Variants in MYH7B observed in about 807,000 individuals in gnomAD.
MYH7B encodes the protein myosin-7B.
MYH7B carries 205 observed loss-of-function variants against 234.5 expected under a neutral mutation model. The observed-to-expected ratio is 0.87, with a 90% confidence interval of 0.78 to 0.98. The LOEUF (loss-of-function observed/expected upper bound fraction) is 0.98, where lower values mean the gene tolerates loss of function less well. Ranked by LOEUF, MYH7B falls within the 50% of genes least tolerant of loss-of-function variation. The probability of loss-of-function intolerance (pLI) is 0.00; values close to 1 mark genes in which losing one functional copy is unlikely to be tolerated. For missense variants in MYH7B, 2,652 were observed against 2,633.4 expected (o/e 1.01, Z -0.15); for synonymous variants, 1,193 against 1,105.0 (o/e 1.08, Z -1.58).
intron 2 of MYH7B, among the ~76,000 whole-genome samples, chr20:34,971,065 C>G (rs1217255637): frequency 2.0e-5 from 3 of 152,164 alleles, no homozygotes; most frequent in African/African-American, 7.2e-5. Flanking sequence ...GTTAATCACT[C>G]TTGGGGGCAG....
chr20:34,996,891 A>G (rs1037041498), intron 30 of MYH7B, 133 bp downstream of exon 30: 24 of 1,367,796 alleles, frequency 1.8e-5, no homozygotes, highest in South Asian at 1.7e-4. Flanking sequence ...ACTGGGGTGC[A>G]GGGGTAGTGT....
intron 26 of MYH7B, among the ~76,000 whole-genome samples, 184 bp from the exon 27 acceptor site, chr20:34,993,962 G>A (rs1478734953): frequency 6.6e-6 from 1 of 152,238 alleles, no homozygotes; most frequent in African/African-American, 2.4e-5. Flanking sequence ...GGGCTCATGA[G>A]CCCCTTCACT....
intron 3 of MYH7B, 80 bp downstream of exon 3, chr20:34,975,579 G>T: frequency 1.5e-6 from 1 of 683,908 alleles, no homozygotes; most frequent in East Asian, 2.7e-5. Context: ...AGCCTTGACT[G>T]TAATGGCAAA....
rs55792693 is a variant in MYH7B at position 34,995,895 on chromosome 20, G to T, written c.2943+317G>T. 1.4e-4 allele frequency among the ~76,000 whole-genome samples: 22 copies of T among 152,356 alleles called. No homozygotes were observed. The South Asian group carries it at 2.7e-3, about 19-fold the overall frequency. ...AGCCCCTTGAGGGCAGGAACTCCAT[G>T]TCCCCAGCTCGGCATCCCGCAGGTG... On this transcript the variant is annotated intron_variant, in intron 28 of 44. Coordinates refer to ENST00000262873, the Ensembl canonical transcript of MYH7B.
Position 34,987,073 on chromosome 20 carries a change from G to T in MYH7B, c.1009-76G>T, listed in dbSNP as rs535670786. 9 of 1,609,338 alleles carry T rather than the reference G, an allele frequency of 5.6e-6. No homozygotes were observed. In the African/African-American group the frequency reaches 6.7e-5, roughly 12 times the overall value. On this transcript the variant is annotated intron_variant, in intron 15 of 44. Coordinates refer to ENST00000262873, the Ensembl canonical transcript of MYH7B. ...TGCCGGTGCCCCCAGCTGCATGAAT[G>T]GTCCCGGGGCAGTGCCTGGCTGGAC...
chr20:34,964,921 C>T (rs1162674409), intron 2 of MYH7B, among the ~76,000 whole-genome samples: 1 of 152,132 alleles, frequency 6.6e-6, no homozygotes, highest in African/African-American at 2.4e-5. Context: ...TGGAGATGGT[C>T]TTAATGATAA....
chr20:34,995,234 C>CTG (rs2082232160), intron 27 of MYH7B, 102 bp from the exon 28 acceptor site: 19 of 1,237,786 alleles, frequency 1.5e-5, no homozygotes, highest in Admixed American at 1.0e-4. Flanking sequence ...CACAGCCAAA[C>CTG]TTTGCTACAG....
intron 28 of MYH7B, 28 bp from the exon 29 acceptor site, chr20:34,996,318 C>T (rs1205904029): frequency 1.1e-5 from 17 of 1,557,060 alleles, no homozygotes; most frequent in Admixed American, 1.9e-5. Flanking sequence ...GGAAGGGCGT[C>T]CCCATTCTGG....
intron 19 of MYH7B, among the ~76,000 whole-genome samples, chr20:34,989,340 T>A (rs1441136787): frequency 1.3e-5 from 2 of 152,218 alleles, no homozygotes; most frequent in Non-Finnish European, 1.5e-5. Context: ...AGACTGAGGC[T>A]TAGTGATGTC....
intron 10 of MYH7B, among the ~76,000 whole-genome samples, chr20:34,983,298 CTTTTTT>C (rs57589264): frequency 0.39 from 27,716 of 71,150 alleles, 2,616 homozygotes; most frequent in Middle Eastern, 0.48. Flanking sequence ...CTTTTCTTTT[CTTTTTT>C]TTTTTTTTTT....
At chr20:34,958,357 T>C (rs139949758) in intron 2 of MYH7B, among the ~76,000 whole-genome samples, 145 bp downstream of exon 2, 1,844 of 152,340 alleles carry the variant, frequency 0.012, 40 homozygotes, top group African/African-American at 0.041. Flanking sequence ...TTGCCCTTTC[T>C]GCACTCTCTG....
At chr20:34,975,373 T>TTTTG (rs898011861) in intron 2 of MYH7B, 27 bp from the exon 3 acceptor site, 55 of 576,776 alleles carry the variant, frequency 9.5e-5, no homozygotes, top group Middle Eastern at 4.1e-4. Context: ...CCTGGCTAAT[T>TTTTG]TTTGTTTGTT....
intron 28 of MYH7B, 139 bp downstream of exon 28, chr20:34,995,717 G>C: frequency 7.4e-7 from 1 of 1,358,444 alleles, no homozygotes; most frequent in Non-Finnish European, 9.8e-7. Context: ...CTGGGCCTCA[G>C]TTTCTTTATC....
At chr20:35,001,097 A>T in exon 41 of MYH7B, 1 of 1,613,786 alleles carries the variant, frequency 6.2e-7, no homozygotes, top group Non-Finnish European at 8.5e-7. Flanking sequence ...GCCCGCCTTG[A>T]GGAGGCAGAA....
chr20:35,001,918 G>A (rs769173527), intron 43 of MYH7B, 30 bp from the exon 44 acceptor site: 2 of 1,601,834 alleles, frequency 1.2e-6, no homozygotes, highest in South Asian at 2.2e-5. Flanking sequence ...AGTCACCCAA[G>A]CGGAACCAAG....
At chr20:34,993,622 C>CT in intron 26 of MYH7B, 152 bp downstream of exon 26, 1 of 908,190 alleles carries the variant, frequency 1.1e-6, no homozygotes, top group Non-Finnish European at 1.6e-6. Flanking sequence ...CCCCCAGCCT[C>CT]CATTTCCCCA....
intron 30 of MYH7B, 117 bp downstream of exon 30, chr20:34,996,875 T>C (rs1287356330): frequency 2.1e-6 from 3 of 1,412,620 alleles, no homozygotes; most frequent in Non-Finnish European, 2.9e-6. Context: ...GGTTGACAGA[T>C]GGGGCACTGG....
rs745940575 is a variant in MYH7B, at chr20:34,988,103, C to T, written c.1428C>T (p.Phe476=). The stretch of plus-strand genomic sequence containing the variant: ...CCTCCCTCTTGTAGTTCAACAGCTT[C>T]GAACAGCTGTGCATCAACTTCACCA... The change falls in exon 19 of 45, where the codon TTC becomes TTT. Residue 476 remains phenylalanine, a synonymous_variant. Transcript: ENST00000262873. 20 of 1,613,080 alleles carry T rather than the reference C, an allele frequency of 1.2e-5. No individual in the cohort carries two copies. Among genetic ancestry groups the T allele is most frequent in the African/African-American group, 4.0e-5 (3 of 74,902 alleles).
At chr20:34,996,647 G>T (rs768531311) in exon 30 of MYH7B, 1 of 1,613,110 alleles carries the variant, frequency 6.2e-7, no homozygotes. Flanking sequence ...AAGAAGCTGC[G>T]CATGGACACG....
Sources: gnomAD v4.1 joint callset for allele counts (sites outside exome capture counted in the v4.1 genomes callset) on GRCh38, gnomAD v4.1.1 for gene constraint, MANE v1.5 for transcripts, NCBI Gene and HGNC (gene_info 2026-07-23, HGNC 2026-07-21) for gene names.